ROBO2: variants seen among roughly 807,000 people sequenced by gnomAD.
The protein encoded by ROBO2 is roundabout homolog 2.
A neutral mutation model predicts 160.8 loss-of-function variants in ROBO2; 53 were observed. That is an observed-to-expected ratio of 0.33 (90% confidence interval 0.26 to 0.41). ROBO2 has a LOEUF of 0.41. Among genes scored for constraint, ROBO2 ranks in the 10% least tolerant of loss-of-function variants. ROBO2 has a pLI of 1.00. For missense variants in ROBO2, 1,577 were observed against 1,722.4 expected, an observed-to-expected ratio of 0.92 and a Z score of 1.49; for synonymous variants, 664 against 611.7, an observed-to-expected ratio of 1.09 and a Z score of -1.26.
intron 2 of ROBO2, among the ~76,000 whole-genome samples, chr3:75,979,195 G>A (rs2065212072): frequency 6.6e-6 from 1 of 151,656 alleles, no homozygotes; most frequent in South Asian, 2.1e-4. Flanking sequence ...AGTTATGGCA[G>A]TGATAACTAA....
intron 2 of ROBO2, chr3:77,317,507 T>C: frequency 6.8e-7 from 1 of 1,460,008 alleles, no homozygotes; most frequent in Non-Finnish European, 9.5e-7. Context: ...CATCCTCAGA[T>C]TTCGTTTTCA....
chr3:76,408,504 T>C (rs1292409603), intron 2 of ROBO2, among the ~76,000 whole-genome samples: 1 of 152,084 alleles, frequency 6.6e-6, no homozygotes, highest in East Asian at 1.9e-4. Flanking sequence ...ACAAAAAGTA[T>C]CTCATTTAAG....
At chr3:76,616,344 GAT>G (rs911592611) in intron 2 of ROBO2, among the ~76,000 whole-genome samples, 3 of 152,180 alleles carry the variant, frequency 2.0e-5, no homozygotes, top group African/African-American at 7.2e-5. Flanking sequence ...GCTCAAGAGA[GAT>G]AGAAGTCATT....
chr3:76,081,316 T>G (rs1196417765), intron 2 of ROBO2, among the ~76,000 whole-genome samples: 2 of 152,020 alleles, frequency 1.3e-5, no homozygotes, highest in Non-Finnish European at 2.9e-5. Flanking sequence ...CAGCTCTACT[T>G]CCTAATAGAT....
intron 2 of ROBO2, among the ~76,000 whole-genome samples, chr3:76,938,072 GTCAGTAA>G (rs2149092905): frequency 6.6e-6 from 1 of 152,296 alleles, no homozygotes; most frequent in South Asian, 2.1e-4. Flanking sequence ...CTGGCAACTA[GTCAGTAA>G]TCAAGAAAAC....
At chr3:77,511,323 G>T (rs1201676674) in intron 5 of ROBO2, among the ~76,000 whole-genome samples, 1 of 151,958 alleles carries the variant, frequency 6.6e-6, no homozygotes, top group African/African-American at 2.4e-5. Flanking sequence ...GGTTTAGGGT[G>T]AGCAGGATGC....
chr3:76,190,065 A>G (rs1701936999), intron 2 of ROBO2, among the ~76,000 whole-genome samples: 1 of 152,132 alleles, frequency 6.6e-6, no homozygotes, highest in South Asian at 2.1e-4. Flanking sequence ...GCTATTTTCT[A>G]TAAAAGCAGT....
chr3:76,947,536 C>A (rs1345598756), intron 2 of ROBO2, among the ~76,000 whole-genome samples: 1 of 152,110 alleles, frequency 6.6e-6, no homozygotes, highest in Non-Finnish European at 1.5e-5. Flanking sequence ...CAAATGCCTG[C>A]AATCGATGAC....
chr3:76,754,623 C>G (rs2060864245), intron 2 of ROBO2, among the ~76,000 whole-genome samples: 1 of 151,886 alleles, frequency 6.6e-6, no homozygotes, highest in Admixed American at 6.6e-5. Flanking sequence ...AAACATACTG[C>G]TAGCCAGATA....
chr3:76,650,142 A>G (rs917421524), intron 2 of ROBO2, among the ~76,000 whole-genome samples: 1 of 152,204 alleles, frequency 6.6e-6, no homozygotes, highest in Admixed American at 6.5e-5. Context: ...GGTAAAACAA[A>G]AACTAAAACA....
At chr3:76,228,785 A>G (rs1280580405) in intron 2 of ROBO2, among the ~76,000 whole-genome samples, 2 of 152,240 alleles carry the variant, frequency 1.3e-5, no homozygotes, top group African/African-American at 2.4e-5. Context: ...ATAAATCACA[A>G]TAAGTGGATA....
At chr3:77,220,986 A>G (rs182823562) in intron 2 of ROBO2, among the ~76,000 whole-genome samples, 171 of 152,366 alleles carry the variant, frequency 1.1e-3, no homozygotes, top group African/African-American at 3.9e-3. Flanking sequence ...CAAAGTTAGC[A>G]TTGAGTGTTA....
At chr3:77,262,744 T>C (rs370508715) in intron 2 of ROBO2, among the ~76,000 whole-genome samples, 10 of 152,164 alleles carry the variant, frequency 6.6e-5, no homozygotes, top group African/African-American at 2.4e-4. Context: ...AATTTGGTCA[T>C]TTAGCATCAT....
intron 2 of ROBO2, among the ~76,000 whole-genome samples, chr3:77,031,361 C>A (rs2063309424): frequency 1.3e-5 from 2 of 150,950 alleles, no homozygotes; most frequent in East Asian, 1.9e-4. Context: ...ACACACTTTT[C>A]TCTTTTTTCA....
At chr3:77,464,254 A>G (rs1001267277) in intron 2 of ROBO2, among the ~76,000 whole-genome samples, 5 of 152,228 alleles carry the variant, frequency 3.3e-5, no homozygotes, top group Non-Finnish European at 7.3e-5. Context: ...TAAGCCCATT[A>G]TCTTTACCAC....
At chr3:77,344,648 C>G (rs1195720324) in intron 2 of ROBO2, among the ~76,000 whole-genome samples, 6 of 152,048 alleles carry the variant, frequency 3.9e-5, no homozygotes, top group African/African-American at 1.4e-4. Context: ...TTATAATCTA[C>G]CCAGTATAGG....
intron 2 of ROBO2, among the ~76,000 whole-genome samples, chr3:76,920,621 A>G (rs542490295): frequency 3.3e-5 from 5 of 152,388 alleles, no homozygotes; most frequent in African/African-American, 9.6e-5. Context: ...ATTTAAGTAC[A>G]TAGTCTTTCA....
chr3:77,563,856 T>C (rs1226465905), intron 11 of ROBO2, among the ~76,000 whole-genome samples: 1 of 152,156 alleles, frequency 6.6e-6, no homozygotes, highest in East Asian at 1.9e-4. Context: ...GTGCTTCTAG[T>C]TGCTTAATGG....
intron 1 of ROBO2, among the ~76,000 whole-genome samples, chr3:75,908,865 G>C (rs1419904694): frequency 6.6e-6 from 1 of 152,078 alleles, no homozygotes; most frequent in Non-Finnish European, 1.5e-5. Context: ...AATATTCTTG[G>C]GATAATTTGT....
Sources: allele counts gnomAD v4.1 joint callset (sites outside exome capture counted in the v4.1 genomes callset), GRCh38; gene constraint gnomAD v4.1.1; transcripts MANE v1.5; gene names NCBI Gene and HGNC (gene_info 2026-07-23, HGNC 2026-07-21).